The following GLIS3 variants were observed in gnomAD, a reference collection of about 807,000 sequenced individuals.
GLIS3 encodes the protein GLIS family zinc finger 3.
GLIS3 carries 53 observed loss-of-function variants against 78.6 expected under a neutral mutation model. The observed-to-expected ratio is 0.67, with a 90% confidence interval of 0.54 to 0.85. GLIS3 has a LOEUF of 0.85. Ranked by LOEUF, GLIS3 falls within the 40% of genes least tolerant of loss-of-function variation. The pLI, the probability that GLIS3 is intolerant of heterozygous loss-of-function variation, is 0.00. For missense variants in GLIS3, 1,703 were observed against 1,231.1 expected (o/e 1.38, Z -5.74); for synonymous variants, 684 against 509.9 (o/e 1.34, Z -4.60).
chr9:4,143,145 T>C (rs78571341), intron 2 of GLIS3, among the ~76,000 whole-genome samples: 1,764 of 152,222 alleles, frequency 0.012, 42 homozygotes, highest in African/African-American at 0.039. Context: ...ATGTGATGAT[T>C]TGACATACGT....
At chr9:4,428,946 T>G in the GLIS3 span, among the ~76,000 whole-genome samples, 2 of 152,092 alleles carry the variant, frequency 1.3e-5, no homozygotes, top group South Asian at 4.2e-4. Flanking sequence ...CTAATTAATT[T>G]TACTTTCTAA....
chr9:4,306,227 G>T (rs576499978), intron 4 of GLIS3, among the ~76,000 whole-genome samples: 1 of 149,710 alleles, frequency 6.7e-6, no homozygotes, highest in Non-Finnish European at 1.5e-5. Flanking sequence ...CTACAGGTGC[G>T]TGCCCAGCTA....
the GLIS3 span, among the ~76,000 whole-genome samples, chr9:4,374,556 G>T: frequency 1.3e-5 from 2 of 152,236 alleles, no homozygotes; most frequent in South Asian, 2.1e-4. Context: ...ACACATGGCG[G>T]CTGTCTCTCT....
At chr9:3,836,157 G>A (rs894335419) in intron 9 of GLIS3, among the ~76,000 whole-genome samples, 5 of 152,216 alleles carry the variant, frequency 3.3e-5, no homozygotes, top group African/African-American at 1.2e-4. Flanking sequence ...CTGAGAACCA[G>A]CCCTGGCAGA....
At chr9:4,351,918 T>C (rs894077230), upstream of GLIS3, among the ~76,000 whole-genome samples, 4 of 152,132 alleles carry the variant, frequency 2.6e-5, no homozygotes, top group South Asian at 2.1e-4. Flanking sequence ...ATAAAACTAG[T>C]AGTGCCTGTA....
intron 2 of GLIS3, among the ~76,000 whole-genome samples, chr9:4,238,956 C>T (rs911527410): frequency 1.3e-5 from 2 of 151,900 alleles, no homozygotes; most frequent in African/African-American, 4.8e-5. Context: ...TTTGTCCCTG[C>T]AGTAGTTTGC....
the GLIS3 span, among the ~76,000 whole-genome samples, chr9:4,441,213 G>A: frequency 1.5e-3 from 234 of 152,166 alleles, 2 homozygotes; most frequent in African/African-American, 4.4e-3. Flanking sequence ...GTAAGAAATG[G>A]GCATCTTTGC....
At chr9:4,201,531 A>G (rs1465891673) in intron 2 of GLIS3, among the ~76,000 whole-genome samples, 1 of 152,228 alleles carries the variant, frequency 6.6e-6, no homozygotes, top group Non-Finnish European at 1.5e-5. Flanking sequence ...GTGTTTTTAT[A>G]CACTAATAAC....
At chr9:4,113,799 A>C (rs1363283960) in intron 4 of GLIS3, among the ~76,000 whole-genome samples, 1 of 152,176 alleles carries the variant, frequency 6.6e-6, no homozygotes, top group Non-Finnish European at 1.5e-5. Context: ...AATGTTACTT[A>C]AAAAGCACCA....
At chr9:4,413,595 G>C in the GLIS3 span, among the ~76,000 whole-genome samples, 1 of 151,962 alleles carries the variant, frequency 6.6e-6, no homozygotes, top group Non-Finnish European at 1.5e-5. Flanking sequence ...ACTCTTCAGT[G>C]CTCTGACATG....
the GLIS3 span, among the ~76,000 whole-genome samples, chr9:4,482,887 A>G: frequency 6.6e-6 from 1 of 152,208 alleles, no homozygotes; most frequent in Non-Finnish European, 1.5e-5. Context: ...AAAACTAGCC[A>G]AAGGTTTATT....
At chr9:3,908,717 T>TTG (rs1554644814) in intron 6 of GLIS3, among the ~76,000 whole-genome samples, 3 of 145,092 alleles carry the variant, frequency 2.1e-5, no homozygotes, top group Non-Finnish European at 4.5e-5. Context: ...TTTTTTTTTT[T>TTG]TTTTTTTTTT....
chr9:4,229,091 A>C (rs1437207845), intron 2 of GLIS3, among the ~76,000 whole-genome samples: 1 of 152,334 alleles, frequency 6.6e-6, no homozygotes, highest in Admixed American at 6.5e-5. Flanking sequence ...AACAAGGTTC[A>C]TAACAGTGCG....
At chr9:4,116,853 G>T (rs1586715933) in intron 4 of GLIS3, among the ~76,000 whole-genome samples, 1 of 152,128 alleles carries the variant, frequency 6.6e-6, no homozygotes, top group Non-Finnish European at 1.5e-5. Flanking sequence ...TAAAACACAT[G>T]TTCTTCTTTT....
At chr9:3,905,918 C>T (rs535026188) in intron 6 of GLIS3, among the ~76,000 whole-genome samples, 1 of 152,328 alleles carries the variant, frequency 6.6e-6, no homozygotes, top group South Asian at 2.1e-4. Context: ...TATCTACATG[C>T]TCCCCACATG....
upstream of GLIS3, among the ~76,000 whole-genome samples, chr9:4,348,892 G>C (rs187462872): frequency 2.0e-5 from 3 of 152,274 alleles, no homozygotes; most frequent in African/African-American, 7.2e-5. Flanking sequence ...GCTTTGTAGA[G>C]TAAAATTATG....
intron 2 of GLIS3, among the ~76,000 whole-genome samples, chr9:4,188,163 T>C (rs1243383251): frequency 6.6e-6 from 1 of 151,182 alleles, no homozygotes; most frequent in African/African-American, 2.4e-5. Context: ...TATTTTGAGA[T>C]ACATCCCATC....
At chr9:3,938,533 A>T (rs1826024503) in intron 4 of GLIS3, among the ~76,000 whole-genome samples, 1 of 152,012 alleles carries the variant, frequency 6.6e-6, no homozygotes, top group African/African-American at 2.4e-5. Flanking sequence ...GAACTAAGTA[A>T]AAAAAAATAA....
At chr9:4,462,580 G>T in the GLIS3 span, among the ~76,000 whole-genome samples, 2 of 150,046 alleles carry the variant, frequency 1.3e-5, no homozygotes, top group East Asian at 3.9e-4. Context: ...AACATAGCGA[G>T]ATTCCATCTC....
Sources: allele counts gnomAD v4.1 joint callset (sites outside exome capture counted in the v4.1 genomes callset), GRCh38; gene constraint gnomAD v4.1.1; transcripts MANE v1.5; gene names NCBI Gene and HGNC (gene_info 2026-07-23, HGNC 2026-07-21).